TLE1: variants seen among roughly 807,000 people sequenced by gnomAD.
The protein encoded by TLE1 is TLE family member 1, transcriptional corepressor, also known as transducin-like enhancer protein 1.
A neutral mutation model predicts 89.8 loss-of-function variants in TLE1; 21 were observed. The observed-to-expected ratio is 0.23, with a 90% CI of 0.17 to 0.34. The LOEUF is 0.34. Among genes scored for constraint, TLE1 ranks in the 10% least tolerant of loss-of-function variants. The pLI is 1.00. For synonymous variants in TLE1, 447 were observed against 407.6 expected (o/e 1.10, Z -1.16); for missense variants, 795 against 1,031.2 (o/e 0.77, Z 3.14).
chr9:81,673,530 G>A (rs1832515324), intron 4 of TLE1, among the ~76,000 whole-genome samples: 1 of 152,000 alleles, frequency 6.6e-6, no homozygotes, highest in Admixed American at 6.6e-5. Flanking sequence ...CCCTCAGAGC[G>A]CCCCCATGCC....
chr9:81,608,594 T>C (rs1823280205), intron 14 of TLE1, among the ~76,000 whole-genome samples: 1 of 151,984 alleles, frequency 6.6e-6, no homozygotes, highest in East Asian at 1.9e-4. Context: ...GGCAAGGGTA[T>C]GACAAAAACA....
intron 8 of TLE1, among the ~76,000 whole-genome samples, chr9:81,627,076 C>T (rs546814750): frequency 6.6e-6 from 1 of 152,094 alleles, no homozygotes; most frequent in Non-Finnish European, 1.5e-5. Flanking sequence ...GGCCCTGAAA[C>T]TAAAAAGCCA....
rs185580946 is a variant in TLE1, at chr9:81,605,834, G to A, written c.1331+4386C>T. ...AAAAAAACTACCATTAGAGTGAACAGGCAACCTACAGAATGGGAGAAAATT... is the reference window on the plus strand; with the variant it reads ...AAAAAAACTACCATTAGAGTGAACAAGCAACCTACAGAATGGGAGAAAATT... On this transcript the variant is annotated intron_variant, in intron 14 of 19. Transcript: ENST00000376499. Among the ~76,000 whole-genome samples the A allele has an allele frequency of 4.2e-3, 630 of 149,712 alleles. 2 individuals are homozygous for A. The highest frequency in any genetic ancestry group is 0.015 in the African/African-American group (600 of 40,986).
chr9:81,685,618 A>G, intron 4 of TLE1, 58 bp downstream of exon 4: 1 of 1,569,654 alleles, frequency 6.4e-7, no homozygotes, highest in Non-Finnish European at 8.7e-7. Flanking sequence ...CAAAGCCAGT[A>G]TTATTAAATC....
intron 4 of TLE1, among the ~76,000 whole-genome samples, chr9:81,683,580 T>C (rs538898951): frequency 6.6e-6 from 1 of 152,268 alleles, no homozygotes; most frequent in Non-Finnish European, 1.5e-5. Context: ...ATGTGTGACA[T>C]TCAGAAGGAT....
rs767786728 is a variant in TLE1, at chr9:81,634,305, T to TTGG, written c.373-7_373-5dup. The TTGG allele has an allele frequency of 1.1e-4, 172 of 1,503,206 alleles. No individual in the cohort carries two copies. In the African/African-American group the frequency reaches 2.1e-3, roughly 18 times the overall value. The allele number at this position is 1,503,206 out of a possible 1,614,324, so 93.1% of individuals were successfully genotyped here. A position where few individuals can be genotyped will look rare whatever the true frequency, so the allele number is the denominator to read the frequency against. On this transcript the variant is annotated splice_polypyrimidine_tract_variant and splice_region_variant and intron_variant, in intron 6 of 19. Transcript: ENST00000376499. ...GCTGAGCTTGCAACTGCTGCTGCTG[T>TTGG]TGGTGGTGGTGGTGAGAGAGAAAAA... is the stretch of plus-strand genomic sequence containing the variant.
chr9:81,598,289 C>G (rs1302429645), intron 14 of TLE1, among the ~76,000 whole-genome samples: 5 of 152,120 alleles, frequency 3.3e-5, no homozygotes, highest in Non-Finnish European at 2.9e-5. Flanking sequence ...GCTGTCACAT[C>G]TCCAAGTTGC....
At position 81,687,499 on chromosome 9, in the gene TLE1, C is replaced by G. The variant is rs1454205676; in HGVS notation, c.25-65G>C. The G allele has an allele frequency of 4.8e-6, 6 of 1,258,510 alleles. No homozygotes were observed. The East Asian group carries it at 7.2e-5, about 15-fold the overall frequency. The allele number at this position is 1,258,510 out of a possible 1,614,324, so 78.0% of individuals were successfully genotyped here. A position where few individuals can be genotyped will look rare whatever the true frequency, so the allele number is the denominator to read the frequency against. On this transcript the variant is annotated intron_variant, in intron 1 of 19. Transcript: ENST00000376499. ...CGGGCGGATGAATAAAGCAGTAAGT[C>G]AGAGAAGGCAAGAACGGGTGGGACA...
chr9:81,643,162 G>A (rs769954659), intron 6 of TLE1, among the ~76,000 whole-genome samples: 1 of 152,052 alleles, frequency 6.6e-6, no homozygotes, highest in South Asian at 2.1e-4. Context: ...ACAACACGGT[G>A]ACTATAGTTA....
At chr9:81,630,794 ACAT>A (rs1239017793) in intron 8 of TLE1, among the ~76,000 whole-genome samples, 9 of 152,254 alleles carry the variant, frequency 5.9e-5, no homozygotes, top group African/African-American at 2.2e-4. Context: ...CTAATAGTAC[ACAT>A]CATCTCATTA....
intron 11 of TLE1, among the ~76,000 whole-genome samples, chr9:81,614,098 C>T (rs1001790023): frequency 3.3e-5 from 5 of 151,782 alleles, no homozygotes; most frequent in African/African-American, 9.7e-5. Flanking sequence ...TTAGTGGAGA[C>T]GGGGTTTCAC....
At chr9:81,655,182 G>A (rs1190491024) in intron 4 of TLE1, among the ~76,000 whole-genome samples, 1 of 151,968 alleles carries the variant, frequency 6.6e-6, no homozygotes, top group Non-Finnish European at 1.5e-5. Context: ...TAGCCAAGAT[G>A]GTGAAACCCC....
chr9:81,625,407 G>A (rs1825779299), intron 8 of TLE1, among the ~76,000 whole-genome samples: 1 of 152,174 alleles, frequency 6.6e-6, no homozygotes, highest in African/African-American at 2.4e-5. Flanking sequence ...GACAAATTCT[G>A]AGCACAATTT....
rs562042633 is a variant in TLE1, at chr9:81,584,045, C to T, written c.*153G>A. 14 of 668,338 alleles carry T rather than the reference C, an allele frequency of 2.1e-5. No homozygotes were observed. In the South Asian group the frequency reaches 2.7e-4, roughly 13 times the overall value. The allele number at this position is 668,338 out of a possible 1,614,324, so 41.4% of individuals were successfully genotyped here. On this transcript the variant is annotated 3_prime_UTR_variant, in exon 20 of 20. Coordinates refer to ENST00000376499, the MANE Select transcript of TLE1 (RefSeq NM_005077.5). ...GACTTTCTGCTGATGGACTTGTCGCCTCCTCTTTGTAGACTCAAAGTAGTT... is the reference window on the plus strand; with the variant it reads ...GACTTTCTGCTGATGGACTTGTCGCTTCCTCTTTGTAGACTCAAAGTAGTT...
chr9:81,670,959 A>T (rs1832150862), intron 4 of TLE1, among the ~76,000 whole-genome samples: 1 of 151,824 alleles, frequency 6.6e-6, no homozygotes, highest in Non-Finnish European at 1.5e-5. Flanking sequence ...ACCTGAGGTC[A>T]GGAGTTCGAG....
chr9:81,621,823 A>T (rs1182349382), intron 8 of TLE1, among the ~76,000 whole-genome samples: 3 of 152,148 alleles, frequency 2.0e-5, no homozygotes, highest in African/African-American at 4.8e-5. Context: ...GAGGACCGGA[A>T]GGCAATCCCA....
intron 4 of TLE1, among the ~76,000 whole-genome samples, chr9:81,677,715 T>C (rs188156162): frequency 7.9e-5 from 12 of 152,264 alleles, no homozygotes; most frequent in Admixed American, 2.6e-4. Context: ...TCATGGTACA[T>C]GTATTTCAGT....
In TLE1 at chr9:81,652,299, A is replaced by G; in HGVS notation, c.298-11T>C. 3 of 1,611,918 alleles carry G rather than the reference A, an allele frequency of 1.9e-6. No homozygotes were observed. The highest frequency in any genetic ancestry group is 1.7e-6 in the Non-Finnish European group (2 of 1,178,624). ...CACCTGTTGTTGATGCTTTGAAAAC[A>G]AGGAGAAGAAAGGGCATTAGCAACA... On this transcript the variant is annotated splice_polypyrimidine_tract_variant and intron_variant, in intron 5 of 19. Transcript: ENST00000376499.
At chr9:81,687,550 A>T in intron 1 of TLE1, 116 bp from the exon 2 acceptor site, 1 of 737,870 alleles carries the variant, frequency 1.4e-6, no homozygotes, top group Non-Finnish European at 2.3e-6. Flanking sequence ...AAGTGGCTGA[A>T]AACGAGGCCC....
Sources: gnomAD v4.1 joint callset for allele counts (sites outside exome capture counted in the v4.1 genomes callset) on GRCh38, gnomAD v4.1.1 for gene constraint, MANE v1.5 for transcripts, NCBI Gene and HGNC (gene_info 2026-07-23, HGNC 2026-07-21) for gene names.